OPCML: variants seen among roughly 807,000 people sequenced by gnomAD.
OPCML encodes the protein opioid binding protein/cell adhesion molecule like, also known as opioid-binding protein/cell adhesion molecule.
Under a neutral mutation model 37.8 loss-of-function variants are expected in OPCML, and 13 were observed. That is an observed-to-expected ratio of 0.34 (90% CI 0.22 to 0.55). OPCML has a LOEUF of 0.55. OPCML is among the 20% of genes least tolerant of loss of function. The pLI is 0.91. For missense variants in OPCML, 341 were observed against 435.6 expected, an observed-to-expected ratio of 0.78 and a Z score of 1.93; for synonymous variants, 176 against 168.8, an observed-to-expected ratio of 1.04 and a Z score of -0.33.
intron 2 of OPCML, among the ~76,000 whole-genome samples, chr11:132,922,780 A>G (rs1944850589): frequency 6.6e-6 from 1 of 152,192 alleles, no homozygotes; most frequent in Non-Finnish European, 1.5e-5. Flanking sequence ...AAGGGAAGAC[A>G]CAGCGGGAGA....
At chr11:133,242,727 A>G (rs1940775910) in intron 1 of OPCML, among the ~76,000 whole-genome samples, 1 of 152,170 alleles carries the variant, frequency 6.6e-6, no homozygotes, top group African/African-American at 2.4e-5. Context: ...GAATGTGAGA[A>G]AAGGGGAGGG....
chr11:133,303,166 C>T (rs1393100259), intron 1 of OPCML, among the ~76,000 whole-genome samples: 1 of 152,098 alleles, frequency 6.6e-6, no homozygotes, highest in Non-Finnish European at 1.5e-5. Flanking sequence ...AGTAAATACA[C>T]TGACGTATGT....
intron 2 of OPCML, among the ~76,000 whole-genome samples, chr11:132,908,709 C>T (rs762552316): frequency 1.3e-5 from 2 of 152,188 alleles, no homozygotes; most frequent in Non-Finnish European, 1.5e-5. Flanking sequence ...TAAGGTGCTG[C>T]TTGGTTAGAA....
chr11:133,241,635 A>T (rs1348917987), intron 1 of OPCML, among the ~76,000 whole-genome samples: 7 of 152,246 alleles, frequency 4.6e-5, no homozygotes, highest in Admixed American at 1.3e-4. Context: ...AGGAAATTTT[A>T]TAGTTAAAAG....
At chr11:133,093,776 A>ATT (rs34668485) in intron 1 of OPCML, among the ~76,000 whole-genome samples, 36 of 149,740 alleles carry the variant, frequency 2.4e-4, no homozygotes, top group South Asian at 1.3e-3. Context: ...ATCTGTACTT[A>ATT]TTTTTTTTTT....
chr11:132,727,254 AC>A (rs1944919211), intron 2 of OPCML, among the ~76,000 whole-genome samples: 1 of 152,170 alleles, frequency 6.6e-6, no homozygotes, highest in African/African-American at 2.4e-5. Flanking sequence ...TGGATTGCAA[AC>A]CCAGGTATTC....
At chr11:133,443,638 A>G (rs1212184571) in intron 1 of OPCML, among the ~76,000 whole-genome samples, 1 of 152,202 alleles carries the variant, frequency 6.6e-6, no homozygotes, top group East Asian at 1.9e-4. Context: ...TATTTCCTCC[A>G]GGCACTAATA....
intron 2 of OPCML, among the ~76,000 whole-genome samples, chr11:132,863,234 T>A (rs1354181055): frequency 6.6e-6 from 1 of 152,206 alleles, no homozygotes; most frequent in African/African-American, 2.4e-5. Context: ...ACAAGCTCAC[T>A]CTGGCATCCA....
At chr11:133,179,496 C>T (rs939439677) in intron 1 of OPCML, among the ~76,000 whole-genome samples, 4 of 152,080 alleles carry the variant, frequency 2.6e-5, no homozygotes, top group Non-Finnish European at 4.4e-5. Context: ...ACATAGGGAG[C>T]GGGGCCCCCT....
intron 2 of OPCML, among the ~76,000 whole-genome samples, chr11:132,749,189 C>A (rs1945748441): frequency 6.6e-6 from 1 of 152,078 alleles, no homozygotes; most frequent in Non-Finnish European, 1.5e-5. Flanking sequence ...AGAAGCAAGC[C>A]CTCACTATGC....
rs545733374 is a variant in OPCML at position 132,818,078 on chromosome 11, A to G, written c.146+124848T>C. The stretch of plus-strand genomic sequence containing the variant: ...CAGACCTGAGAACAGACACTTCATG[A>G]TGGAGCCTCACTGACAATCTGGGGC... On this transcript the variant is annotated intron_variant, in intron 2 of 7. Coordinates refer to ENST00000524381, the MANE Select transcript of OPCML (RefSeq NM_001012393.5). Among the ~76,000 whole-genome samples, 3 of 152,218 alleles carry G rather than the reference A, an allele frequency of 2.0e-5. No individual in the cohort carries two copies. In the South Asian group the frequency reaches 6.2e-4, roughly 32 times the overall value.
intron 1 of OPCML, among the ~76,000 whole-genome samples, chr11:133,157,490 A>T (rs984832676): frequency 6.6e-6 from 1 of 152,094 alleles, no homozygotes; most frequent in East Asian, 1.9e-4. Flanking sequence ...TGACTCACAG[A>T]GTTGACTTTT....
chr11:133,188,050 T>C (rs1277440622), intron 1 of OPCML, among the ~76,000 whole-genome samples: 1 of 152,204 alleles, frequency 6.6e-6, no homozygotes, highest in Non-Finnish European at 1.5e-5. Context: ...GCCAAAGCTC[T>C]AAACTAGGTT....
chr11:133,501,772 C>T (rs1311873130), intron 1 of OPCML, among the ~76,000 whole-genome samples: 1 of 151,970 alleles, frequency 6.6e-6, no homozygotes, highest in African/African-American at 2.4e-5. Context: ...CCATCTTCGA[C>T]GTGAGTCACA....
At position 133,212,232 on chromosome 11, in the gene OPCML, C is replaced by T. The variant is rs773400151; in HGVS notation, c.62-269222G>A. Among the ~76,000 whole-genome samples, 1 of 152,106 alleles carries T rather than the reference C, an allele frequency of 6.6e-6. No individual in the cohort carries two copies. Among genetic ancestry groups the T allele is most frequent in the Non-Finnish European group, 1.5e-5 (1 of 68,032 alleles). Reference sequence around the variant, plus strand: ...AACAACAAAAGCAATTTTTCCTGCCCACCACCCCGATAGGTGCACAAAGTC... The same window carrying T: ...AACAACAAAAGCAATTTTTCCTGCCTACCACCCCGATAGGTGCACAAAGTC... On this transcript the variant is annotated intron_variant, in intron 1 of 7. Transcript: ENST00000524381. This position sits in a 1 kb window ranked among gnomAD's most constrained non-coding sequence, Gnocchi z 4.9.
chr11:132,863,168 T>C lies in OPCML; in HGVS notation c.146+79758A>G, dbSNP rs1942378743. On this transcript the variant is annotated intron_variant, in intron 2 of 7. Transcript: ENST00000524381. ...CAGACCCTTCCTGCCTGTAGCTACA[T>C]TGCATGGGGCGTGGCTCGGCCGAGG... Among the ~76,000 whole-genome samples, 4 of 152,190 alleles carry C rather than the reference T, an allele frequency of 2.6e-5. No homozygotes were observed. The South Asian group carries it at 8.3e-4, about 32-fold the overall frequency.
At chr11:133,216,652 T>C (rs944389524) in intron 1 of OPCML, among the ~76,000 whole-genome samples, 9 of 151,996 alleles carry the variant, frequency 5.9e-5, no homozygotes, top group African/African-American at 2.2e-4. Flanking sequence ...TAAGGCTCAA[T>C]TAAATAATCT....
chr11:132,678,148 C>T (rs1413926720), intron 2 of OPCML, among the ~76,000 whole-genome samples: 2 of 152,168 alleles, frequency 1.3e-5, no homozygotes, highest in Non-Finnish European at 2.9e-5. Context: ...TGAAAAGATG[C>T]TCCACATCAT....
At chr11:132,545,916 C>A (rs999314530) in intron 3 of OPCML, among the ~76,000 whole-genome samples, 1 of 152,162 alleles carries the variant, frequency 6.6e-6, no homozygotes, top group Non-Finnish European at 1.5e-5. Flanking sequence ...GCTACAGAGA[C>A]ATAGAATAAG....
Sources: allele counts gnomAD v4.1 joint callset (sites outside exome capture counted in the v4.1 genomes callset), GRCh38; gene constraint gnomAD v4.1.1; non-coding constraint Gnocchi (gnomAD v3.1); transcripts MANE v1.5; gene names NCBI Gene and HGNC (gene_info 2026-07-23, HGNC 2026-07-21).